GULP1: variants seen among roughly 807,000 people sequenced by gnomAD.
GULP1 encodes GULP PTB domain containing engulfment adaptor 1, also known as PTB domain-containing engulfment adapter protein 1.
In GULP1, 19 loss-of-function variants were observed where a neutral mutation model predicts 40.9. The observed-to-expected ratio is 0.46, with a 90% CI of 0.32 to 0.68. The LOEUF (loss-of-function observed/expected upper bound fraction) is 0.68, where lower values mean the gene tolerates loss of function less well. GULP1 is among the 30% of genes least tolerant of loss of function. The pLI is 0.03. For missense variants in GULP1, 312 were observed against 362.2 expected (o/e 0.86, Z 1.12); for synonymous variants, 119 against 117.6 (o/e 1.01, Z -0.08).
At chr2:188,401,167 A>G (rs1476311848) in intron 2 of GULP1, among the ~76,000 whole-genome samples, 2 of 152,114 alleles carry the variant, frequency 1.3e-5, no homozygotes, top group African/African-American at 2.4e-5. Context: ...AAAAAAGTAT[A>G]TATGATTACT....
chr2:188,320,396 G>T (rs2039790414), intron 1 of GULP1, among the ~76,000 whole-genome samples: 1 of 152,080 alleles, frequency 6.6e-6, no homozygotes, highest in South Asian at 2.1e-4. Context: ...GTATGTATTT[G>T]CTGCATCATT....
intron 1 of GULP1, among the ~76,000 whole-genome samples, chr2:188,338,940 T>C (rs569547715): frequency 6.6e-6 from 1 of 152,320 alleles, no homozygotes; most frequent in African/African-American, 2.4e-5. Context: ...TAGAAGTTAT[T>C]CTTATAATTG....
At chr2:188,309,662 C>T (rs1369934066) in intron 1 of GULP1, among the ~76,000 whole-genome samples, 1 of 151,990 alleles carries the variant, frequency 6.6e-6, no homozygotes, top group African/African-American at 2.4e-5. Flanking sequence ...TTGTCTGTAG[C>T]TTAAGACATT....
intron 1 of GULP1, among the ~76,000 whole-genome samples, chr2:188,320,179 C>T (rs2039760915): frequency 6.6e-6 from 1 of 152,072 alleles, no homozygotes; most frequent in South Asian, 2.1e-4. Flanking sequence ...CAAATGTCCC[C>T]TAGGGAGCAA....
intron 4 of GULP1, among the ~76,000 whole-genome samples, chr2:188,505,457 CATACT>C (rs1259795972): frequency 6.6e-6 from 1 of 151,722 alleles, no homozygotes; most frequent in Admixed American, 6.6e-5. Context: ...CAAATAACTC[CATACT>C]ATGAAGCATA....
intron 1 of GULP1, among the ~76,000 whole-genome samples, chr2:188,333,942 A>G (rs143696622): frequency 1.4e-4 from 22 of 152,136 alleles, no homozygotes; most frequent in Admixed American, 1.4e-3. Flanking sequence ...ATAGGCAGGG[A>G]CTCCGTGCAC....
intron 2 of GULP1, among the ~76,000 whole-genome samples, chr2:188,419,131 C>G (rs2055005163): frequency 6.6e-6 from 1 of 152,180 alleles, no homozygotes; most frequent in African/African-American, 2.4e-5. Flanking sequence ...TTAGGTCCAC[C>G]TCTTGGCTAA....
intron 2 of GULP1, among the ~76,000 whole-genome samples, chr2:188,421,274 C>G (rs925908219): frequency 3.3e-5 from 5 of 152,076 alleles, no homozygotes; most frequent in Non-Finnish European, 7.4e-5. Context: ...ATTTCAAATT[C>G]GTCAACAATA....
intron 4 of GULP1, among the ~76,000 whole-genome samples, chr2:188,493,961 A>G (rs1010563784): frequency 1.3e-5 from 2 of 152,068 alleles, no homozygotes; most frequent in African/African-American, 4.8e-5. Context: ...CTTCCTGAAT[A>G]GAATCTTGCT....
chr2:188,478,126 C>T (rs2061171094), intron 3 of GULP1, among the ~76,000 whole-genome samples: 1 of 151,916 alleles, frequency 6.6e-6, no homozygotes. Flanking sequence ...TGTGTGTGCA[C>T]AGGCTTCATG....
rs558923647 is a variant in GULP1 at position 188,389,165 on chromosome 2, T to G, written c.-45+5276T>G. Among the ~76,000 whole-genome samples the G allele has an allele frequency of 3.3e-5, 5 of 152,298 alleles. No homozygotes were observed. In the South Asian group the frequency reaches 1.0e-3, roughly 32 times the overall value. ...ACAGAGTAAAAGCGGGTTTTGTTAT[T>G]GTTGGTAAAATTTGTTTGGCTTTGA... On this transcript the variant is annotated intron_variant, in intron 2 of 11. Transcript: ENST00000409830.
At chr2:188,357,053 TC>T (rs2045428019) in intron 1 of GULP1, among the ~76,000 whole-genome samples, 1 of 151,912 alleles carries the variant, frequency 6.6e-6, no homozygotes, top group South Asian at 2.1e-4. Flanking sequence ...TGTACAAAGA[TC>T]AACTCAAAAT....
At chr2:188,427,575 A>G (rs1435947676) in intron 2 of GULP1, among the ~76,000 whole-genome samples, 2 of 152,198 alleles carry the variant, frequency 1.3e-5, no homozygotes, top group East Asian at 1.9e-4. Flanking sequence ...GGGCCCAAGT[A>G]CAGCATGGGC....
intron 4 of GULP1, among the ~76,000 whole-genome samples, chr2:188,511,767 TTATAA>T (rs1458539216): frequency 2.6e-5 from 4 of 152,294 alleles, no homozygotes; most frequent in African/African-American, 9.6e-5. Context: ...TAAATAATTG[TTATAA>T]TAAAATGAGG....
At chr2:188,407,489 A>G (rs1257164367) in intron 2 of GULP1, among the ~76,000 whole-genome samples, 1 of 152,232 alleles carries the variant, frequency 6.6e-6, no homozygotes, top group Non-Finnish European at 1.5e-5. Context: ...GATGTAAATT[A>G]TGACATCAAA....
intron 4 of GULP1, among the ~76,000 whole-genome samples, chr2:188,487,007 G>A (rs577559346): frequency 2.0e-5 from 3 of 151,886 alleles, no homozygotes; most frequent in Non-Finnish European, 4.4e-5. Context: ...TGAAAGTAAA[G>A]TTGACAGAAT....
intron 2 of GULP1, among the ~76,000 whole-genome samples, chr2:188,431,234 TA>T (rs1036017036): frequency 2.6e-5 from 4 of 152,088 alleles, no homozygotes; most frequent in Non-Finnish European, 4.4e-5. Context: ...CGTGTCTTTT[TA>T]AAACCTTCAA....
chr2:188,308,171 A>G (rs2037458484), intron 1 of GULP1, among the ~76,000 whole-genome samples: 1 of 145,256 alleles, frequency 6.9e-6, no homozygotes, highest in Non-Finnish European at 1.5e-5. Flanking sequence ...GACTCAACTA[A>G]TTTGATTATG....
At chr2:188,453,557 A>G (rs936747881) in intron 2 of GULP1, among the ~76,000 whole-genome samples, 8 of 152,200 alleles carry the variant, frequency 5.3e-5, no homozygotes, top group African/African-American at 1.9e-4. Flanking sequence ...TTTATCACAA[A>G]TATCGGAGTA....
Sources: gnomAD v4.1 joint callset for allele counts (sites outside exome capture counted in the v4.1 genomes callset) on GRCh38, gnomAD v4.1.1 for gene constraint, MANE v1.5 for transcripts, NCBI Gene and HGNC (gene_info 2026-07-23, HGNC 2026-07-21) for gene names.